ZCCHC7: variants seen among roughly 807,000 people sequenced by gnomAD.
ZCCHC7 encodes the protein zinc finger CCHC domain-containing protein 7.
A neutral mutation model predicts 52.0 loss-of-function variants in ZCCHC7; 35 were observed. The ratio of observed to expected loss-of-function variants is 0.67; its 90% CI spans 0.51 to 0.89. The LOEUF is 0.89. ZCCHC7 is among the 40% of genes least tolerant of loss of function. ZCCHC7 has a pLI of 0.00. For missense variants in ZCCHC7, 574 were observed against 649.1 expected (o/e 0.88, Z 1.26); for synonymous variants, 217 against 221.5 (o/e 0.98, Z 0.18).
chr9:37,285,080 A>T, intron 2 of ZCCHC7, among the ~76,000 whole-genome samples: 1 of 152,104 alleles, frequency 6.6e-6, no homozygotes, highest in Non-Finnish European at 1.5e-5. Context: ...ATTTATTTAT[A>T]TAGAGATTTT....
Position 37,126,752 on chromosome 9 carries a change from TAA to T in ZCCHC7, c.422_423del (p.Lys141IlefsTer2). On this transcript the variant is annotated frameshift_variant, in exon 2 of 9. Transcript: ENST00000336755. LOFTEE classifies it high-confidence loss of function. ...AATGCAAGAGTGATATTGAGAAGCC[TAA>T]ATCTGAAGAGAGATCAGGTGTAATC... ...KKCKSDIEKPKSEERSGVIRE... is the reference protein window; with the variant it reads ...KKCKSDIEKPXSEERSGVIRE... 2 of 1,614,152 alleles carry T rather than the reference TAA, an allele frequency of 1.2e-6. No homozygotes were observed. The highest frequency in any genetic ancestry group is 1.7e-6 in the Non-Finnish European group (2 of 1,180,026).
intron 2 of ZCCHC7, among the ~76,000 whole-genome samples, chr9:37,148,028 A>G (rs181034112): frequency 3.3e-5 from 5 of 152,214 alleles, no homozygotes; most frequent in Admixed American, 6.5e-5. Context: ...AGAAAAAAGA[A>G]TCTATACTTG....
chr9:37,224,221 A>G (rs1824977815), intron 2 of ZCCHC7, among the ~76,000 whole-genome samples: 1 of 152,152 alleles, frequency 6.6e-6, no homozygotes, highest in Non-Finnish European at 1.5e-5. Flanking sequence ...ATCATTTTTA[A>G]TACAGAGATC....
chr9:37,261,654 C>T (rs1826871402), intron 2 of ZCCHC7, among the ~76,000 whole-genome samples: 1 of 152,138 alleles, frequency 6.6e-6, no homozygotes, highest in Non-Finnish European at 1.5e-5. Context: ...TTTCCTTGAA[C>T]ACTGTGACAT....
At chr9:37,216,941 GAT>G (rs1213099264) in intron 2 of ZCCHC7, among the ~76,000 whole-genome samples, 61 of 152,116 alleles carry the variant, frequency 4.0e-4, no homozygotes, top group Middle Eastern at 3.4e-3. Flanking sequence ...TTTGAAATAA[GAT>G]ATTCATATTT....
chr9:37,299,260 G>A (rs1828925330), intron 2 of ZCCHC7, among the ~76,000 whole-genome samples: 2 of 152,176 alleles, frequency 1.3e-5, no homozygotes, highest in Admixed American at 6.5e-5. Flanking sequence ...CCTCTTTAAG[G>A]CGAATTACCT....
chr9:37,292,146 T>G (rs556923237), intron 2 of ZCCHC7, among the ~76,000 whole-genome samples: 1 of 152,374 alleles, frequency 6.6e-6, no homozygotes, highest in African/African-American at 2.4e-5. Flanking sequence ...TAATATGCGT[T>G]TGCTGTCTTT....
At chr9:37,348,854 C>T (rs898049467) in intron 6 of ZCCHC7, among the ~76,000 whole-genome samples, 2 of 152,200 alleles carry the variant, frequency 1.3e-5, no homozygotes, top group African/African-American at 4.8e-5. Context: ...TTCCATGTCA[C>T]TGTTCATTCT....
chr9:37,121,290 G>A (rs1207551655), intron 1 of ZCCHC7, among the ~76,000 whole-genome samples: 1 of 152,182 alleles, frequency 6.6e-6, no homozygotes, highest in Non-Finnish European at 1.5e-5. Context: ...ATTCCAGAAA[G>A]CTCTTATTGA....
chr9:37,191,753 TTTA>T (rs1823032099), intron 2 of ZCCHC7, among the ~76,000 whole-genome samples: 2 of 152,232 alleles, frequency 1.3e-5, no homozygotes, highest in Non-Finnish European at 2.9e-5. Flanking sequence ...AATTTTACAG[TTTA>T]TTTTCATTTC....
Position 37,287,304 on chromosome 9 carries a change from CAG to C in ZCCHC7, c.611-14883_611-14882del, listed in dbSNP as rs1828300259. On this transcript the variant is annotated intron_variant, in intron 2 of 8. Transcript: ENST00000336755. ...CATTAAAATCAATTTCTTCAAAAAT[CAG>C]GATGAGCATTTGTACAAAAGTATAC... Among the ~76,000 whole-genome samples, 7 of 151,764 alleles carry C rather than the reference CAG, an allele frequency of 4.6e-5. No individual in the cohort carries two copies. In the South Asian group the frequency reaches 1.2e-3, roughly 27 times the overall value.
chr9:37,142,154 C>T (rs1009645876), intron 2 of ZCCHC7, among the ~76,000 whole-genome samples: 1 of 151,572 alleles, frequency 6.6e-6, no homozygotes, highest in East Asian at 1.9e-4. Context: ...ATCCTTTTTA[C>T]CATTTAAAAA....
intron 5 of ZCCHC7, among the ~76,000 whole-genome samples, chr9:37,307,065 T>A (rs1383752177): frequency 6.6e-6 from 1 of 151,412 alleles, no homozygotes; most frequent in East Asian, 2.0e-4. Flanking sequence ...GGATTACAGG[T>A]GTGAGCCACC....
chr9:37,126,901 T>C lies in ZCCHC7; in HGVS notation c.569T>C (p.Ile190Thr). Residue 190 changes from isoleucine (I) to threonine (T), a missense_variant, in exon 2 of 9, where the codon ATC becomes ACC. Ile to Thr is a moderately conservative substitution (Grantham distance 89). Transcript: ENST00000336755. The stretch of plus-strand genomic sequence containing the variant: ...GAAGTAGATGATAAAGATGATGATA[T>C]CCTTCTCAACCTTGTGGGATGTGAA... ...GCEVDDKDDD[I>T]LLNLVGCENS... is the part of the protein sequence containing the mutation. 1.2e-6 allele frequency: 2 copies of C among 1,614,022 alleles called. No homozygotes were observed. The highest frequency in any genetic ancestry group is 8.5e-7 in the Non-Finnish European group (1 of 1,180,000).
rs993054167 is a variant in ZCCHC7, at chr9:37,183,193, A to G, written c.610+56251A>G. On this transcript the variant is annotated intron_variant, in intron 2 of 8. Coordinates refer to ENST00000336755, the MANE Select transcript of ZCCHC7 (RefSeq NM_032226.3). ...ATCAGCAGTAGCTTATGCAATGTTC[A>G]TGTGCTTGAAATTAGACATCTCTTT... 2.6e-5 allele frequency among the ~76,000 whole-genome samples: 4 copies of G among 152,222 alleles called. No individual in the cohort carries two copies. In the South Asian group the frequency reaches 8.3e-4, roughly 31 times the overall value.
At chr9:37,335,900 G>A (rs1352286390) in intron 6 of ZCCHC7, among the ~76,000 whole-genome samples, 1 of 152,098 alleles carries the variant, frequency 6.6e-6, no homozygotes, top group African/African-American at 2.4e-5. Context: ...TAATAAATGT[G>A]TGAGTCTTAA....
At chr9:37,131,916 G>A (rs761297315) in intron 2 of ZCCHC7, among the ~76,000 whole-genome samples, 1 of 152,124 alleles carries the variant, frequency 6.6e-6, no homozygotes. Context: ...CAAAACATAG[G>A]CTTTCAGTGC....
chr9:37,192,537 T>C (rs1823071514), intron 2 of ZCCHC7, among the ~76,000 whole-genome samples: 1 of 152,212 alleles, frequency 6.6e-6, no homozygotes, highest in Non-Finnish European at 1.5e-5. Context: ...ATGGTTGAAG[T>C]TGAAAAATTT....
Position 37,126,352 on chromosome 9 carries a change from A to G in ZCCHC7, c.20A>G (p.Glu7Gly). Reference sequence around the variant, plus strand: ...CTTTTTATGATGTTTGGTGGCTATGAGACTATAGAAGCATACGAAGATGAT... The same window carrying G: ...CTTTTTATGATGTTTGGTGGCTATGGGACTATAGAAGCATACGAAGATGAT... MMFGGY[E>G]TIEAYEDDLY... Residue 7 changes from glutamate to glycine, a missense_variant, in exon 2 of 9, where the codon GAG (glutamate) becomes GGG (glycine). Coordinates refer to ENST00000336755, the MANE Select transcript of ZCCHC7 (RefSeq NM_032226.3). 6.2e-7 allele frequency: 1 copy of G among 1,612,906 alleles called. No homozygotes were observed. The highest frequency in any genetic ancestry group is 8.5e-7 in the Non-Finnish European group (1 of 1,179,338).
Sources: gnomAD v4.1 joint callset for allele counts (sites outside exome capture counted in the v4.1 genomes callset) on GRCh38, gnomAD v4.1.1 for gene constraint, MANE v1.5 for transcripts, NCBI Gene and HGNC (gene_info 2026-07-23, HGNC 2026-07-21) for gene names.